THSD7B: variants seen among roughly 807,000 people sequenced by gnomAD.
The protein encoded by THSD7B is thrombospondin type-1 domain-containing protein 7B.
In THSD7B, 138 loss-of-function variants were observed where a neutral mutation model predicts 213.6. The observed-to-expected ratio is 0.65, with a 90% CI of 0.56 to 0.74. The LOEUF is 0.74. THSD7B is among the 30% of genes least tolerant of loss of function. THSD7B has a pLI of 0.00. For missense variants in THSD7B, 1,931 were observed against 1,991.5 expected (o/e 0.97, Z 0.58); for synonymous variants, 742 against 687.0 (o/e 1.08, Z -1.25).
chr2:137,505,943 C>T (rs1351726719), intron 15 of THSD7B, among the ~76,000 whole-genome samples: 1 of 152,162 alleles, frequency 6.6e-6, no homozygotes, highest in Admixed American at 6.5e-5. Flanking sequence ...CTTTAATTAT[C>T]TGGTACCTGG....
At chr2:137,195,309 T>C (rs1276365432) in intron 7 of THSD7B, among the ~76,000 whole-genome samples, 1 of 152,034 alleles carries the variant, frequency 6.6e-6, no homozygotes, top group Non-Finnish European at 1.5e-5. Context: ...TTTTTCAGCT[T>C]CTTTATTGAG....
At chr2:136,983,372 C>CACACACAG (rs1685619314) in intron 2 of THSD7B, among the ~76,000 whole-genome samples, 1 of 149,554 alleles carries the variant, frequency 6.7e-6, no homozygotes, top group Non-Finnish European at 1.5e-5. Flanking sequence ...CACACACACG[C>CACACACAG]ACACACACTC....
At position 136,988,543 on chromosome 2, in the gene THSD7B, C is replaced by T. The variant is rs1573751763; in HGVS notation, c.140-67877C>T. ...TGGCCTCCACTGGTGTGTGAGTAAA[C>T]TGGCTCCATGTGTGGAGCTTCCAGC... On this transcript the variant is annotated intron_variant, in intron 2 of 27. Transcript: ENST00000409968. 2.0e-5 allele frequency among the ~76,000 whole-genome samples: 3 copies of T among 152,294 alleles called. No homozygotes were observed. In the South Asian group the frequency reaches 6.2e-4, roughly 32 times the overall value.
At chr2:136,808,123 TTTAC>T (rs1352429042) in intron 1 of THSD7B, among the ~76,000 whole-genome samples, 12 of 152,246 alleles carry the variant, frequency 7.9e-5, no homozygotes, top group African/African-American at 2.4e-4. Context: ...AAGCCTTCCA[TTTAC>T]TTACTTGTTC....
At chr2:137,648,805 T>C (rs2104810745) in intron 21 of THSD7B, among the ~76,000 whole-genome samples, 1 of 152,176 alleles carries the variant, frequency 6.6e-6, no homozygotes, top group Admixed American at 6.5e-5. Flanking sequence ...AATTTCTGTA[T>C]ATGGTACTTC....
intron 15 of THSD7B, among the ~76,000 whole-genome samples, chr2:137,476,263 G>T (rs1471905475): frequency 6.6e-6 from 1 of 151,964 alleles, no homozygotes; most frequent in African/African-American, 2.4e-5. Flanking sequence ...TTACCATTCT[G>T]CAGGTTGTCT....
chr2:137,484,266 C>T (rs1241808953), intron 15 of THSD7B, among the ~76,000 whole-genome samples: 15 of 149,822 alleles, frequency 1.0e-4, no homozygotes, highest in African/African-American at 1.5e-4. Context: ...TGAGAATATG[C>T]GGTGTTTGGT....
chr2:137,641,793 T>C (rs905859545), intron 20 of THSD7B, among the ~76,000 whole-genome samples: 1 of 152,328 alleles, frequency 6.6e-6, no homozygotes, highest in East Asian at 1.9e-4. Flanking sequence ...TGAACATATG[T>C]TTTTTAAACA....
At chr2:136,958,746 G>A (rs1049513819) in intron 2 of THSD7B, among the ~76,000 whole-genome samples, 1 of 152,172 alleles carries the variant, frequency 6.6e-6, no homozygotes, top group African/African-American at 2.4e-5. Flanking sequence ...ACAGGAGGGA[G>A]GTTTCAGTTG....
intron 1 of THSD7B, among the ~76,000 whole-genome samples, chr2:136,873,081 T>C (rs924814409): frequency 5.1e-5 from 7 of 137,720 alleles, no homozygotes; most frequent in Admixed American, 4.3e-4. Flanking sequence ...TTGTCACAGA[T>C]ACCCGGATAC....
chr2:137,360,287 C>T (rs1460420429), intron 12 of THSD7B, among the ~76,000 whole-genome samples: 1 of 152,250 alleles, frequency 6.6e-6, no homozygotes, highest in East Asian at 1.9e-4. Context: ...GTCTGCAGCT[C>T]TCAGTGTGAT....
chr2:137,102,719 G>A (rs11682971), intron 4 of THSD7B, among the ~76,000 whole-genome samples: 97,583 of 152,070 alleles, frequency 0.64, 34,742 homozygotes, highest in Middle Eastern at 0.81. Flanking sequence ...GAAAAACACA[G>A]CATGAGAACT....
At chr2:137,675,009 A>AT (rs1683664466) in intron 27 of THSD7B, among the ~76,000 whole-genome samples, 2 of 152,110 alleles carry the variant, frequency 1.3e-5, no homozygotes, top group African/African-American at 2.4e-5. Context: ...AATTTTATCA[A>AT]CTTTTTATTG....
intron 9 of THSD7B, among the ~76,000 whole-genome samples, chr2:137,237,118 A>G (rs76112331): frequency 5.5e-4 from 56 of 101,926 alleles, no homozygotes; most frequent in African/African-American, 5.2e-4. Context: ...CGTCTCAAAA[A>G]AAAAAAAAAA....
At chr2:137,262,959 T>C (rs1682486837) in intron 10 of THSD7B, among the ~76,000 whole-genome samples, 1 of 152,170 alleles carries the variant, frequency 6.6e-6, no homozygotes, top group African/African-American at 2.4e-5. Flanking sequence ...AGTTGTGATA[T>C]GTAGAGACTG....
intron 15 of THSD7B, among the ~76,000 whole-genome samples, chr2:137,500,188 T>C (rs1453470506): frequency 6.6e-6 from 1 of 152,156 alleles, no homozygotes; most frequent in Non-Finnish European, 1.5e-5. Context: ...CACTTTGATA[T>C]ATCAGAATAA....
chr2:137,204,226 A>G (rs1362785140), intron 7 of THSD7B, among the ~76,000 whole-genome samples: 2 of 152,098 alleles, frequency 1.3e-5, no homozygotes, highest in East Asian at 3.9e-4. Context: ...AAAGGAAAAT[A>G]AGGATTGCTT....
At chr2:137,555,628 C>T (rs1680945007) in intron 15 of THSD7B, among the ~76,000 whole-genome samples, 1 of 151,820 alleles carries the variant, frequency 6.6e-6, no homozygotes, top group Admixed American at 6.6e-5. Context: ...TTCTAAAAAT[C>T]AGAGGGCCTC....
chr2:137,642,399 G>C, intron 20 of THSD7B, 89 bp from the exon 21 acceptor site: 14 of 1,474,436 alleles, frequency 9.5e-6, no homozygotes, highest in Non-Finnish European at 1.3e-5. Context: ...TTAAAATGAA[G>C]ACTTACATGT....
Sources: allele counts gnomAD v4.1 joint callset (sites outside exome capture counted in the v4.1 genomes callset), GRCh38; gene constraint gnomAD v4.1.1; transcripts MANE v1.5; gene names NCBI Gene and HGNC (gene_info 2026-07-23, HGNC 2026-07-21).